RGS12: variants seen among roughly 807,000 people sequenced by gnomAD.
The protein encoded by RGS12 is regulator of G protein signaling 12.
A neutral mutation model predicts 120.1 loss-of-function variants in RGS12; 66 were observed. That is an observed-to-expected ratio of 0.55 (90% CI 0.45 to 0.67). The LOEUF (loss-of-function observed/expected upper bound fraction) is 0.67. RGS12 is among the 30% of genes least tolerant of loss of function. The pLI, the probability that RGS12 is intolerant of heterozygous loss-of-function variation, is 0.00. For synonymous variants in RGS12, 827 were observed against 804.7 expected (o/e 1.03, Z -0.47); for missense variants, 1,859 against 1,957.7 (o/e 0.95, Z 0.95).
In RGS12 at chr4:3,372,018, C is replaced by G. The variant is rs1205974401; in HGVS notation, c.1999-14398C>G. On this transcript the variant is annotated intron_variant, in intron 3 of 17. Coordinates refer to ENST00000336727, the MANE Select transcript of RGS12 (RefSeq NM_001394154.1). The surrounding 1 kb of genome is among the most constrained non-coding windows in gnomAD (Gnocchi z 4.3). ...GCCAGATCAGTCGATGCCTGGTTCCCTGGCTTTGGCAGGCCGGGAAGATGC... is the reference window on the plus strand; with the variant it reads ...GCCAGATCAGTCGATGCCTGGTTCCGTGGCTTTGGCAGGCCGGGAAGATGC... Among the ~76,000 whole-genome samples, 2 of 152,170 alleles carry G rather than the reference C, an allele frequency of 1.3e-5. No individual in the cohort carries two copies. The highest frequency in any genetic ancestry group is 2.9e-5 in the Non-Finnish European group (2 of 68,034).
intron 3 of RGS12, among the ~76,000 whole-genome samples, chr4:3,343,919 C>T (rs1038642648): frequency 2.6e-5 from 4 of 152,212 alleles, no homozygotes; most frequent in African/African-American, 7.2e-5. Context: ...GACTTTCAGT[C>T]CAGTCCTTTT....
chr4:3,370,085 T>G (rs979848800), intron 3 of RGS12: 33 of 1,310,210 alleles, frequency 2.5e-5, no homozygotes, highest in Non-Finnish European at 2.9e-5. Context: ...GATGAGACAA[T>G]TGAGATAGAG....
At chr4:3,312,640 T>G (rs904113990) in intron 1 of RGS12, 3 of 231,766 alleles carry the variant, frequency 1.3e-5, no homozygotes, top group African/African-American at 6.9e-5. Flanking sequence ...CACCTGAAAG[T>G]CGGGGTCTTA....
At chr4:3,290,110 G>A (rs1038289244), upstream of RGS12, among the ~76,000 whole-genome samples, 1 of 152,202 alleles carries the variant, frequency 6.6e-6, no homozygotes, top group African/African-American at 2.4e-5. Context: ...GCCGTGCTGA[G>A]CCTGGGAGTG....
At chr4:3,378,709 T>C (rs951706622) in intron 3 of RGS12, 1 of 152,182 alleles carries the variant, frequency 6.6e-6, no homozygotes, top group African/African-American at 2.4e-5. Flanking sequence ...CAGTGAGCTG[T>C]CACTGCATGT....
chr4:3,397,882 T>G (rs1388093026), intron 4 of RGS12, among the ~76,000 whole-genome samples: 1 of 152,174 alleles, frequency 6.6e-6, no homozygotes, highest in Non-Finnish European at 1.5e-5. Context: ...CAGAAGATGC[T>G]GAAGATGTGG....
At chr4:3,344,576 G>T (rs569236813) in intron 3 of RGS12, among the ~76,000 whole-genome samples, 1 of 152,222 alleles carries the variant, frequency 6.6e-6, no homozygotes, top group African/African-American at 2.4e-5. Flanking sequence ...TCTGGGCCAC[G>T]TGCTCTGCAC....
At position 3,365,073 on chromosome 4, in the gene RGS12, C is replaced by T. The variant is rs551800718; in HGVS notation, c.1999-21343C>T. ...CCTGGGTGACAGGAGGATGAGGTGA[C>T]GGCGGTTTGCAGGTTCCCCGGGAGC... On this transcript the variant is annotated intron_variant, in intron 3 of 17. Coordinates refer to ENST00000336727, the MANE Select transcript of RGS12 (RefSeq NM_001394154.1). The surrounding 1 kb of genome is among the most constrained non-coding windows in gnomAD (Gnocchi z 4.0). 5.0e-4 allele frequency among the ~76,000 whole-genome samples: 76 copies of T among 152,172 alleles called. No individual in the cohort carries two copies. Among genetic ancestry groups the T allele is most frequent in the Non-Finnish European group, 5.9e-4 (40 of 67,994 alleles).
At chr4:3,292,246 C>A (rs549969699), upstream of RGS12, among the ~76,000 whole-genome samples, 7 of 152,198 alleles carry the variant, frequency 4.6e-5, no homozygotes, top group East Asian at 1.4e-3. Context: ...GTGAAGGCGG[C>A]GGCTGGGACA....
chr4:3,325,336 T>G (rs1725486463), intron 2 of RGS12, among the ~76,000 whole-genome samples: 1 of 152,224 alleles, frequency 6.6e-6, no homozygotes, highest in Non-Finnish European at 1.5e-5. Flanking sequence ...ATGGTTTGAT[T>G]GTTTGTCCTC....
At chr4:3,351,203 G>A (rs1714321655) in intron 3 of RGS12, among the ~76,000 whole-genome samples, 1 of 151,376 alleles carries the variant, frequency 6.6e-6, no homozygotes, top group South Asian at 2.1e-4. Context: ...TGGCTAAATT[G>A]TATTAAAAAA....
Position 3,362,513 on chromosome 4 carries a change from AGT to A in RGS12, c.1998+19468_1998+19469del, listed in dbSNP as rs1320407416. Among the ~76,000 whole-genome samples, 13 of 87,388 alleles carry A rather than the reference AGT, an allele frequency of 1.5e-4. No individual in the cohort carries two copies. In the South Asian group the frequency reaches 2.2e-3, roughly 15 times the overall value. The allele number at this position is 87,388 out of a possible 152,430, so 57.3% of individuals were successfully genotyped here. ...GGGTGTGTGTGAGGGTGCGAGGATC[AGT>A]GTGTGTGAGGGTGTGTTGTGAGGGT... is the stretch of plus-strand genomic sequence containing the variant. On this transcript the variant is annotated intron_variant, in intron 3 of 17. Coordinates refer to ENST00000336727, the MANE Select transcript of RGS12 (RefSeq NM_001394154.1).
upstream of RGS12, among the ~76,000 whole-genome samples, chr4:3,291,834 T>A (rs561818977): frequency 1.2e-4 from 18 of 152,306 alleles, no homozygotes; most frequent in Non-Finnish European, 2.4e-4. Flanking sequence ...AGCACCGCCC[T>A]GTGGCTTCCC....
chr4:3,332,160 C>G (rs754473248), intron 2 of RGS12, among the ~76,000 whole-genome samples: 1 of 152,184 alleles, frequency 6.6e-6, no homozygotes, highest in Admixed American at 6.5e-5. Context: ...GGCCCCTTCA[C>G]TGTTGGCTCG....
chr4:3,430,385 A>G, intron 16 of RGS12, 22 bp from the exon 17 acceptor site: 1 of 1,591,566 alleles, frequency 6.3e-7, no homozygotes, highest in Non-Finnish European at 8.6e-7. Flanking sequence ...AAACACGGTC[A>G]CTCTGGGTTT....
At chr4:3,321,520 G>T (rs562569446) in intron 2 of RGS12, among the ~76,000 whole-genome samples, 10 of 152,216 alleles carry the variant, frequency 6.6e-5, no homozygotes, top group Non-Finnish European at 1.5e-4. Flanking sequence ...TTGGCGCTGA[G>T]AAGAAATGCC....
intron 2 of RGS12, among the ~76,000 whole-genome samples, chr4:3,325,836 A>G (rs1161432336): frequency 6.6e-6 from 1 of 152,220 alleles, no homozygotes; most frequent in African/African-American, 2.4e-5. Context: ...ATAATACGCT[A>G]TGATGTGTTA....
chr4:3,344,813 C>T (rs1272666720), intron 3 of RGS12, among the ~76,000 whole-genome samples: 1 of 152,172 alleles, frequency 6.6e-6, no homozygotes, highest in Non-Finnish European at 1.5e-5. Context: ...CTGTAAATCT[C>T]TTACTGGGGC....
At chr4:3,340,552 G>C (rs1712958111) in intron 2 of RGS12, among the ~76,000 whole-genome samples, 1 of 152,220 alleles carries the variant, frequency 6.6e-6, no homozygotes, top group South Asian at 2.1e-4. Flanking sequence ...GAGGGAGCGG[G>C]GGTGGCAATT....
Sources: gnomAD v4.1 joint callset for allele counts (sites outside exome capture counted in the v4.1 genomes callset) on GRCh38, gnomAD v4.1.1 for gene constraint, Gnocchi (gnomAD v3.1) non-coding constraint, MANE v1.5 for transcripts, NCBI Gene and HGNC (gene_info 2026-07-23, HGNC 2026-07-21) for gene names.